PUM3: variants seen among roughly 807,000 people sequenced by gnomAD.
PUM3 encodes pumilio RNA binding family member 3.
PUM3 carries 91 observed loss-of-function variants against 84.0 expected under a neutral mutation model. The observed-to-expected ratio is 1.08, with a 90% CI of 0.91 to 1.29. PUM3 has a LOEUF of 1.29. Among genes scored for constraint, PUM3 ranks in the 50% most tolerant of loss-of-function variants. The pLI is 0.00. For missense variants in PUM3, 1,067 were observed against 767.5 expected (o/e 1.39, Z -4.61); for synonymous variants, 321 against 266.7 (o/e 1.20, Z -1.98).
intron 15 of PUM3, 40 bp downstream of exon 15, chr9:2,811,321 C>A: frequency 6.3e-7 from 1 of 1,594,666 alleles, no homozygotes. Flanking sequence ...GTTTTTGTGG[C>A]CTTTGCAGCT....
chr9:2,842,748 C>A (rs1460007121), intron 1 of PUM3, among the ~76,000 whole-genome samples: 1 of 152,112 alleles, frequency 6.6e-6, no homozygotes, highest in Non-Finnish European at 1.5e-5. Context: ...TATCTGATAC[C>A]TCTAATTATG....
rs764915477 is a variant in PUM3 at position 2,827,133 on chromosome 9, G to A, written c.975C>T (p.His325=). The change falls in exon 10 of 18, where the codon CAC becomes CAT. Residue 325 remains histidine (H), a synonymous_variant. Coordinates refer to ENST00000397885, the MANE Select transcript of PUM3 (RefSeq NM_014878.5). ...CCAAGAATACTTTATGCACCAATGA[G>A]TGCTTAATCACAGCTTCCCTGAAAA... ...PMAQKEAVIK[H]SLVHKVFLDF... 4 of 1,608,812 alleles carry A rather than the reference G, an allele frequency of 2.5e-6. No individual in the cohort carries two copies. The Admixed American group carries it at 6.7e-5, about 27-fold the overall frequency.
chr9:2,833,568 T>G lies in PUM3; in HGVS notation c.441-136A>C, dbSNP rs540409868. ...TTCTAAGGCAGCAAACCTCTGCCATTAAAATTACTATTCCAGAGCAGCCAG... is the reference window on the plus strand; with the variant it reads ...TTCTAAGGCAGCAAACCTCTGCCATGAAAATTACTATTCCAGAGCAGCCAG... On this transcript the variant is annotated intron_variant, in intron 4 of 17. Transcript: ENST00000397885. 1.2e-5 allele frequency: 6 copies of G among 501,634 alleles called. No homozygotes were observed. In the East Asian group the frequency reaches 1.3e-4, roughly 11 times the overall value. 31.1% of individuals were successfully genotyped at this position (501,634 alleles called of 1,614,324 possible). A position where few individuals can be genotyped will look rare whatever the true frequency, so the allele number is the denominator to read the frequency against.
At chr9:2,825,908 A>G (rs1299522481) in intron 10 of PUM3, among the ~76,000 whole-genome samples, 1 of 152,190 alleles carries the variant, frequency 6.6e-6, no homozygotes, top group East Asian at 1.9e-4. Context: ...TCATGCCACG[A>G]AAGAGAGGGT....
chr9:2,826,261 C>G (rs1815817316), intron 10 of PUM3, among the ~76,000 whole-genome samples: 1 of 152,106 alleles, frequency 6.6e-6, no homozygotes, highest in Admixed American at 6.5e-5. Context: ...TTCAAATAAT[C>G]ATTGTGTCAT....
chr9:2,835,422 G>A lies in PUM3; in HGVS notation c.305-1256C>T, dbSNP rs547412800. On this transcript the variant is annotated intron_variant, in intron 3 of 17. Coordinates refer to ENST00000397885, the MANE Select transcript of PUM3 (RefSeq NM_014878.5). ...GCAACAAAGTGAGACCCTCAAAAAAGAAAAAAATTCAGAATCTGCCTTCAC... is the reference window on the plus strand; with the variant it reads ...GCAACAAAGTGAGACCCTCAAAAAAAAAAAAAATTCAGAATCTGCCTTCAC... 8.6e-4 allele frequency among the ~76,000 whole-genome samples: 131 copies of A among 152,008 alleles called. 1 individual carries two copies. Among genetic ancestry groups the A allele is most frequent in the African/African-American group, 1.8e-3 (76 of 41,466 alleles).
At chr9:2,826,893 T>C (rs1008857500) in intron 10 of PUM3, among the ~76,000 whole-genome samples, 180 bp downstream of exon 10, 1 of 152,220 alleles carries the variant, frequency 6.6e-6, no homozygotes, top group African/African-American at 2.4e-5. Flanking sequence ...TATTGTTTAC[T>C]GGAATAAAAC....
At position 2,810,344 on chromosome 9, in the gene PUM3, C is replaced by T; in HGVS notation, c.1723G>A (p.Gly575Ser). ...GAAAAGGTCAAATTTCATAGCCTAC[C>T]TTCTCTCCCATTTTCTTTCATCTTT... is the stretch of plus-strand genomic sequence containing the variant. ...DKKMKENGREGCFAKTLVEHV... is the reference protein window; with the variant it reads ...DKKMKENGRESCFAKTLVEHV... The change falls in exon 16 of 18, where the codon GGT becomes AGT. Residue 575 changes from glycine (G) to serine (S), a missense_variant and splice_region_variant. By Grantham distance (56) the Gly-to-Ser change is moderately conservative. Transcript: ENST00000397885. 1.3e-6 allele frequency: 2 copies of T among 1,587,642 alleles called. No individual in the cohort carries two copies. The highest frequency in any genetic ancestry group is 1.7e-6 in the Non-Finnish European group (2 of 1,156,880).
At chr9:2,813,371 G>T (rs1190465367) in intron 13 of PUM3, among the ~76,000 whole-genome samples, 1 of 152,134 alleles carries the variant, frequency 6.6e-6, no homozygotes, top group African/African-American at 2.4e-5. Context: ...CCTATTTCTT[G>T]TAACAAACTT....
chr9:2,834,601 T>G lies in PUM3; in HGVS notation c.305-435A>C, dbSNP rs549687123. Among the ~76,000 whole-genome samples, 3 of 152,316 alleles carry G rather than the reference T, an allele frequency of 2.0e-5. No homozygotes were observed. The East Asian group carries it at 5.8e-4, about 29-fold the overall frequency. On this transcript the variant is annotated intron_variant, in intron 3 of 17. Coordinates refer to ENST00000397885, the MANE Select transcript of PUM3 (RefSeq NM_014878.5). ...CACTGTTCTGAGTGCTGTTGTATAT[T>G]AAGTCACTTATTTCTTACAACAACT...
intron 12 of PUM3, among the ~76,000 whole-genome samples, chr9:2,822,638 TGTAAG>T (rs1462027346): frequency 1.3e-5 from 2 of 150,796 alleles, no homozygotes; most frequent in Non-Finnish European, 3.0e-5. Flanking sequence ...CTCATTTTAA[TGTAAG>T]GTATTCAAAT....
chr9:2,824,861 T>C (rs1482159907), intron 10 of PUM3, 46 bp from the exon 11 acceptor site: 1 of 1,327,712 alleles, frequency 7.5e-7, no homozygotes. Flanking sequence ...TTTATTTTCT[T>C]CTTTCTACTG....
chr9:2,811,420 T>C lies in PUM3; in HGVS notation c.1576A>G (p.Met526Val), dbSNP rs765359129. The change falls in exon 15 of 18, where the codon ATG becomes GTG. Residue 526 changes from methionine (M) to valine (V), a missense_variant. By Grantham distance (21) the Met-to-Val change is conservative (BLOSUM62 1). Coordinates refer to ENST00000397885, the MANE Select transcript of PUM3 (RefSeq NM_014878.5). ...GCTGCCAAGCTGGCGATGGCATTCA[T>C]GGTAGGCTGAACGTCTCCAGTGGCA... ...GSATGDVQPTMNAIASLAATG... is the reference protein window; with the variant it reads ...GSATGDVQPTVNAIASLAATG... 2.5e-6 allele frequency: 4 copies of C among 1,614,140 alleles called. No individual in the cohort carries two copies. Among genetic ancestry groups the C allele is most frequent in the South Asian group, 1.1e-5 (1 of 91,086 alleles).
chr9:2,823,440 T>C (rs1316142033), intron 12 of PUM3, among the ~76,000 whole-genome samples: 1 of 152,234 alleles, frequency 6.6e-6, no homozygotes, highest in South Asian at 2.1e-4. Flanking sequence ...GACTAAAATA[T>C]GTACATACTG....
intron 12 of PUM3, among the ~76,000 whole-genome samples, chr9:2,821,678 A>G (rs1815638205): frequency 1.3e-5 from 2 of 152,156 alleles, no homozygotes; most frequent in Non-Finnish European, 2.9e-5. Flanking sequence ...AAGTGGTTCA[A>G]CTTCTTTGAA....
chr9:2,833,990 G>A (rs1014707261), intron 4 of PUM3, 41 bp downstream of exon 4: 2 of 1,600,006 alleles, frequency 1.3e-6, no homozygotes, highest in African/African-American at 1.3e-5. Context: ...CTTCTCCACT[G>A]TTGCAAAGGG....
At chr9:2,814,410 C>A (rs1821431735) in intron 13 of PUM3, among the ~76,000 whole-genome samples, 1 of 152,070 alleles carries the variant, frequency 6.6e-6, no homozygotes, top group Admixed American at 6.6e-5. Context: ...GGGGTTTCGC[C>A]ATGTTGGCCA....
At chr9:2,811,900 C>T (rs1821383086) in intron 14 of PUM3, among the ~76,000 whole-genome samples, 1 of 148,624 alleles carries the variant, frequency 6.7e-6, no homozygotes, top group Non-Finnish European at 1.5e-5. Flanking sequence ...AACACATTTA[C>T]ACTGCTGTAT....
chr9:2,813,931 C>G (rs1455218746), intron 13 of PUM3, among the ~76,000 whole-genome samples: 2 of 152,204 alleles, frequency 1.3e-5, no homozygotes, highest in African/African-American at 4.8e-5. Context: ...CTTCTGACCA[C>G]TATGTCCTGT....
Sources: allele counts gnomAD v4.1 joint callset (sites outside exome capture counted in the v4.1 genomes callset), GRCh38; gene constraint gnomAD v4.1.1; transcripts MANE v1.5; gene names NCBI Gene and HGNC (gene_info 2026-07-23, HGNC 2026-07-21).